The following MAGI2 variants were observed in gnomAD, a reference collection of about 807,000 sequenced individuals.
MAGI2 encodes the protein membrane associated guanylate kinase, WW and PDZ domain containing 2.
Under a neutral mutation model 133.3 loss-of-function variants are expected in MAGI2, and 35 were observed. That is an observed-to-expected ratio of 0.26 (90% confidence interval 0.20 to 0.35). The LOEUF (loss-of-function observed/expected upper bound fraction) is 0.35. MAGI2 is among the 10% of genes least tolerant of loss of function. The pLI, the probability that MAGI2 is intolerant of heterozygous loss-of-function variation, is 1.00. For synonymous variants in MAGI2, 729 were observed against 710.6 expected (o/e 1.03, Z -0.41); for missense variants, 1,636 against 1,863.4 (o/e 0.88, Z 2.25).
chr7:78,029,947 C>G (rs1265060925), intron 21 of MAGI2, among the ~76,000 whole-genome samples: 1 of 152,188 alleles, frequency 6.6e-6, no homozygotes, highest in Non-Finnish European at 1.5e-5. Flanking sequence ...GTAATTTTTT[C>G]TAGGGCACTC....
At chr7:78,582,486 C>T (rs1272624453) in intron 3 of MAGI2, among the ~76,000 whole-genome samples, 1 of 152,172 alleles carries the variant, frequency 6.6e-6, no homozygotes, top group Non-Finnish European at 1.5e-5. Context: ...TATGTGATTT[C>T]CAGGCCTAAG....
intron 2 of MAGI2, among the ~76,000 whole-genome samples, chr7:78,888,277 T>C (rs1799028): frequency 0.15 from 22,346 of 152,178 alleles, 2,120 homozygotes; most frequent in Non-Finnish European, 0.22. Context: ...GAGGCCTGCC[T>C]GCCTCTGTAG....
intron 21 of MAGI2, among the ~76,000 whole-genome samples, chr7:78,030,495 T>C (rs1331510755): frequency 6.6e-6 from 1 of 152,108 alleles, no homozygotes; most frequent in Non-Finnish European, 1.5e-5. Context: ...GACCTTATGA[T>C]CCACCCACCT....
intron 2 of MAGI2, among the ~76,000 whole-genome samples, chr7:78,842,567 G>C (rs553238271): frequency 6.6e-6 from 1 of 151,766 alleles, no homozygotes. Context: ...AAAGCAAAGA[G>C]CCTTGAAGAT....
At chr7:78,273,669 C>CT (rs1794795485) in intron 9 of MAGI2, among the ~76,000 whole-genome samples, 1 of 152,076 alleles carries the variant, frequency 6.6e-6, no homozygotes, top group Non-Finnish European at 1.5e-5. Flanking sequence ...TCTCTTCTCG[C>CT]TTTTTTTCAT....
At chr7:79,384,022 A>G (rs1844000515) in intron 1 of MAGI2, among the ~76,000 whole-genome samples, 1 of 151,588 alleles carries the variant, frequency 6.6e-6, no homozygotes, top group Admixed American at 6.6e-5. Flanking sequence ...AAGCCATTCA[A>G]AAGAGTAGCA....
intron 9 of MAGI2, among the ~76,000 whole-genome samples, chr7:78,322,859 G>T (rs1330499019): frequency 1.3e-5 from 2 of 151,978 alleles, no homozygotes; most frequent in African/African-American, 4.8e-5. Flanking sequence ...TCCTGTCTTT[G>T]GAGTTTCGAC....
chr7:78,626,887 T>C (rs1345479771), intron 3 of MAGI2, among the ~76,000 whole-genome samples: 8 of 150,836 alleles, frequency 5.3e-5, no homozygotes, highest in Non-Finnish European at 1.2e-4. Context: ...ATATAATAGG[T>C]GTATATATAT....
At chr7:78,667,887 C>T (rs753944773) in intron 2 of MAGI2, among the ~76,000 whole-genome samples, 1 of 152,094 alleles carries the variant, frequency 6.6e-6, no homozygotes. Context: ...ATGATTTATA[C>T]TCCTTTGGGT....
intron 2 of MAGI2, among the ~76,000 whole-genome samples, chr7:78,966,550 T>C (rs1227314755): frequency 6.6e-6 from 1 of 152,170 alleles, no homozygotes; most frequent in East Asian, 1.9e-4. Flanking sequence ...ACGTATATGC[T>C]ACATTTTCTT....
chr7:78,598,563 C>T (rs1804858561), intron 3 of MAGI2, among the ~76,000 whole-genome samples: 1 of 152,028 alleles, frequency 6.6e-6, no homozygotes, highest in Non-Finnish European at 1.5e-5. Context: ...TAGAAGGAAC[C>T]CCAAAGGATT....
At chr7:78,095,054 T>A (rs2151227662) in intron 20 of MAGI2, among the ~76,000 whole-genome samples, 1 of 152,288 alleles carries the variant, frequency 6.6e-6, no homozygotes, top group South Asian at 2.1e-4. Flanking sequence ...GCAAGTCTGC[T>A]CTCTTCTTTT....
At chr7:79,228,047 A>C (rs1831003087) in intron 1 of MAGI2, among the ~76,000 whole-genome samples, 1 of 152,102 alleles carries the variant, frequency 6.6e-6, no homozygotes, top group Non-Finnish European at 1.5e-5. Context: ...AACAAAAGAA[A>C]ACAAAAACTG....
At chr7:79,121,580 T>C (rs1003653104) in intron 1 of MAGI2, among the ~76,000 whole-genome samples, 1 of 152,118 alleles carries the variant, frequency 6.6e-6, no homozygotes, top group Non-Finnish European at 1.5e-5. Context: ...AGCTACTGTA[T>C]CGCAAATGCA....
intron 8 of MAGI2, among the ~76,000 whole-genome samples, chr7:78,344,639 C>T (rs558527574): frequency 1.3e-5 from 2 of 152,032 alleles, no homozygotes; most frequent in South Asian, 2.1e-4. Flanking sequence ...CTATTGGCTC[C>T]GATAGTGTTT....
At chr7:79,085,539 C>T (rs1816411325) in intron 1 of MAGI2, among the ~76,000 whole-genome samples, 1 of 151,774 alleles carries the variant, frequency 6.6e-6, no homozygotes, top group Admixed American at 6.6e-5. Context: ...CCATGCTTTC[C>T]TATTTTTTTG....
chr7:78,672,845 G>A (rs1814554299), intron 2 of MAGI2, among the ~76,000 whole-genome samples: 1 of 152,114 alleles, frequency 6.6e-6, no homozygotes, highest in African/African-American at 2.4e-5. Flanking sequence ...TCCCTTAGAA[G>A]GCCTGACCTC....
At chr7:78,538,752 T>G (rs190450020) in intron 3 of MAGI2, among the ~76,000 whole-genome samples, 7 of 152,186 alleles carry the variant, frequency 4.6e-5, no homozygotes, top group African/African-American at 1.7e-4. Flanking sequence ...GATGAGTCTT[T>G]AGGGTTTTCT....
At chr7:79,077,567 T>A (rs1447755998) in intron 1 of MAGI2, among the ~76,000 whole-genome samples, 1 of 85,460 alleles carries the variant, frequency 1.2e-5, no homozygotes, top group African/African-American at 5.6e-5. Flanking sequence ...AGAGCGAGAC[T>A]GCCTCTCAAA....
Sources: allele counts gnomAD v4.1 joint callset (sites outside exome capture counted in the v4.1 genomes callset), GRCh38; gene constraint gnomAD v4.1.1; transcripts MANE v1.5; gene names NCBI Gene and HGNC (gene_info 2026-07-23, HGNC 2026-07-21).